RFX3: variants seen among roughly 807,000 people sequenced by gnomAD.
RFX3 encodes transcription factor RFX3.
In RFX3, 14 loss-of-function variants were observed where a neutral mutation model predicts 98.6. The ratio of observed to expected loss-of-function variants is 0.14; its 90% CI spans 0.09 to 0.22. The LOEUF is 0.22. Ranked by LOEUF, RFX3 falls within the 10% of genes least tolerant of loss-of-function variation. The pLI is 1.00. For missense variants in RFX3, 639 were observed against 926.9 expected (o/e 0.69, Z 4.03); for synonymous variants, 383 against 328.4 (o/e 1.17, Z -1.80).
At chr9:3,242,959 T>G (rs1012675022) in intron 15 of RFX3, among the ~76,000 whole-genome samples, 1 of 151,912 alleles carries the variant, frequency 6.6e-6, no homozygotes, top group Non-Finnish European at 1.5e-5. Flanking sequence ...TAATAGATTA[T>G]TAAAAGGTTT....
intron 2 of RFX3, among the ~76,000 whole-genome samples, chr9:3,377,335 A>G (rs1356179115): frequency 6.6e-6 from 1 of 152,194 alleles, no homozygotes; most frequent in African/African-American, 2.4e-5. Flanking sequence ...TCAGCAAACT[A>G]TCGCAGGGAC....
intron 1 of RFX3, among the ~76,000 whole-genome samples, chr9:3,408,823 T>C (rs550629060): frequency 1.5e-3 from 231 of 152,174 alleles, no homozygotes; most frequent in Non-Finnish European, 2.9e-3. Flanking sequence ...GTAGTAGTCT[T>C]CCACTACTGC....
chr9:3,430,943 A>G (rs1844603201), intron 1 of RFX3, among the ~76,000 whole-genome samples: 1 of 152,234 alleles, frequency 6.6e-6, no homozygotes, highest in African/African-American at 2.4e-5. Context: ...TAAAAAGTTA[A>G]AATGTATCAA....
At chr9:3,441,927 T>C (rs1336326893) in intron 1 of RFX3, among the ~76,000 whole-genome samples, 2 of 152,020 alleles carry the variant, frequency 1.3e-5, no homozygotes, top group Non-Finnish European at 2.9e-5. Context: ...CAGCCGGGCA[T>C]GGTGGCTCAC....
chr9:3,271,654 CAT>C (rs1824492630), intron 9 of RFX3, among the ~76,000 whole-genome samples: 1 of 152,088 alleles, frequency 6.6e-6, no homozygotes, highest in Admixed American at 6.6e-5. Flanking sequence ...GGGTACAAAA[CAT>C]AGATTCAATT....
intron 1 of RFX3, among the ~76,000 whole-genome samples, chr9:3,427,722 GAAACCT>G (rs1343541449): frequency 2.0e-5 from 3 of 151,970 alleles, no homozygotes; most frequent in African/African-American, 7.3e-5. Context: ...ACATCTACCA[GAAACCT>G]GTACCATATC....
At chr9:3,464,088 A>G (rs1847972498) in intron 1 of RFX3, among the ~76,000 whole-genome samples, 1 of 152,236 alleles carries the variant, frequency 6.6e-6, no homozygotes, top group Non-Finnish European at 1.5e-5. Flanking sequence ...TGTAACTGTA[A>G]TGAGTTACCA....
intron 15 of RFX3, among the ~76,000 whole-genome samples, chr9:3,232,145 T>C (rs1401814012): frequency 2.0e-5 from 3 of 151,970 alleles, no homozygotes; most frequent in Admixed American, 6.6e-5. Flanking sequence ...CACAAGAAAC[T>C]ATAGGGATTA....
rs148766613 is a variant in RFX3, at chr9:3,252,670, G to A, written c.1814+4321C>T. ...TGGATGACTCTAGTGGCTGGACTGT[G>A]TAGGGTCTAGTAGGCCATGATAAGG... On this transcript the variant is annotated intron_variant, in intron 14 of 16. Coordinates refer to ENST00000617270, the MANE Select transcript of RFX3 (RefSeq NM_001282116.2). Among the ~76,000 whole-genome samples, 5 of 152,280 alleles carry A rather than the reference G, an allele frequency of 3.3e-5. No individual in the cohort carries two copies. In the East Asian group the frequency reaches 7.7e-4, roughly 23 times the overall value.
intron 4 of RFX3, among the ~76,000 whole-genome samples, chr9:3,311,625 C>T (rs1189400843): frequency 2.0e-5 from 3 of 152,166 alleles, no homozygotes; most frequent in Non-Finnish European, 4.4e-5. Context: ...TGGCTCTCAC[C>T]TGTAATCCCA....
At chr9:3,411,601 G>A (rs1372824644) in intron 1 of RFX3, among the ~76,000 whole-genome samples, 3 of 151,032 alleles carry the variant, frequency 2.0e-5, no homozygotes, top group Non-Finnish European at 4.4e-5. Flanking sequence ...CCAGCCTCCC[G>A]AGTAGCTGGG....
intron 1 of RFX3, among the ~76,000 whole-genome samples, chr9:3,484,193 T>C (rs1850054230): frequency 6.6e-6 from 1 of 152,210 alleles, no homozygotes; most frequent in Non-Finnish European, 1.5e-5. Flanking sequence ...TTCAAACCCT[T>C]TGAATTTCAG....
At chr9:3,385,901 C>T (rs1316632550) in intron 2 of RFX3, among the ~76,000 whole-genome samples, 1 of 151,984 alleles carries the variant, frequency 6.6e-6, no homozygotes, top group African/African-American at 2.4e-5. Context: ...CACACTTGAT[C>T]CAAAACTATT....
chr9:3,485,057 A>T (rs934228094), intron 1 of RFX3, among the ~76,000 whole-genome samples: 6 of 152,090 alleles, frequency 3.9e-5, no homozygotes, highest in African/African-American at 1.4e-4. Context: ...GGCTTCAGTG[A>T]ACTATGACGG....
chr9:3,334,150 A>G (rs1319521690), intron 3 of RFX3, among the ~76,000 whole-genome samples: 1 of 152,184 alleles, frequency 6.6e-6, no homozygotes, highest in African/African-American at 2.4e-5. Flanking sequence ...AACAACTACT[A>G]AGGAACAGCT....
chr9:3,479,075 A>G (rs932421966), intron 1 of RFX3, among the ~76,000 whole-genome samples: 1 of 152,190 alleles, frequency 6.6e-6, no homozygotes, highest in African/African-American at 2.4e-5. Context: ...ATTGTCTGCA[A>G]TACTGCCAGC....
At chr9:3,340,754 A>G (rs1833792255) in intron 3 of RFX3, among the ~76,000 whole-genome samples, 1 of 152,158 alleles carries the variant, frequency 6.6e-6, no homozygotes, top group Non-Finnish European at 1.5e-5. Flanking sequence ...TCAGGAAACA[A>G]CAGGTGCTGG....
chr9:3,423,362 T>G (rs1205705979), intron 1 of RFX3, among the ~76,000 whole-genome samples: 2 of 152,164 alleles, frequency 1.3e-5, no homozygotes, highest in African/African-American at 4.8e-5. Context: ...TTGTTCATAA[T>G]AGCTAAAACT....
intron 4 of RFX3, among the ~76,000 whole-genome samples, chr9:3,328,352 C>G (rs775167783): frequency 6.6e-6 from 1 of 151,966 alleles, no homozygotes; most frequent in Non-Finnish European, 1.5e-5. Context: ...CTTTGTAAAT[C>G]TAATGGTGCT....
Sources: gnomAD v4.1 joint callset for allele counts (sites outside exome capture counted in the v4.1 genomes callset) on GRCh38, gnomAD v4.1.1 for gene constraint, MANE v1.5 for transcripts, NCBI Gene and HGNC (gene_info 2026-07-23, HGNC 2026-07-21) for gene names.